The following SOX6 variants were observed in gnomAD, a reference collection of about 807,000 sequenced individuals.
The protein encoded by SOX6 is SRY-box transcription factor 6, also known as transcription factor SOX-6.
Under a neutral mutation model 97.8 loss-of-function variants are expected in SOX6, and 11 were observed. That is an observed-to-expected ratio of 0.11 (90% confidence interval 0.07 to 0.19). The LOEUF (loss-of-function observed/expected upper bound fraction) is 0.19. SOX6 is among the 10% of genes least tolerant of loss of function. SOX6 has a pLI of 1.00. For synonymous variants in SOX6, 360 were observed against 371.4 expected (o/e 0.97, Z 0.35); for missense variants, 810 against 1,039.5 (o/e 0.78, Z 3.04).
chr11:16,152,835 C>T (rs1340542427), intron 6 of SOX6, among the ~76,000 whole-genome samples: 9 of 151,874 alleles, frequency 5.9e-5, no homozygotes, highest in Non-Finnish European at 1.3e-4. Context: ...TCCCGAGTAG[C>T]TGGGATTACA....
rs1022066078 is a variant in SOX6, at chr11:16,347,113, G to A, written c.-4-5861C>T. Among the ~76,000 whole-genome samples, 41 of 152,030 alleles carry A rather than the reference G, an allele frequency of 2.7e-4. 1 individual carries two copies. The highest frequency in any genetic ancestry group is 4.3e-4 in the Non-Finnish European group (29 of 67,982). On this transcript the variant is annotated intron_variant, in intron 1 of 15. Coordinates refer to ENST00000683767, the MANE Select transcript of SOX6 (RefSeq NM_001367873.1). ...GTTTCTCCTGATAATGTTACATCAC[G>A]TAACTACCTCTGTCTAATTGGTTAG...
At chr11:16,498,673 A>G (rs1860651390) in intron 4 of SOX6, among the ~76,000 whole-genome samples, 1 of 152,202 alleles carries the variant, frequency 6.6e-6, no homozygotes, top group South Asian at 2.1e-4. Context: ...TCTCTGATAA[A>G]ACAGACTTTA....
chr11:15,990,866 A>G (rs544068475), intron 13 of SOX6, among the ~76,000 whole-genome samples: 1 of 152,346 alleles, frequency 6.6e-6, no homozygotes, highest in East Asian at 1.9e-4. Context: ...TACAGGACCA[A>G]CATGATTCAA....
intron 1 of SOX6, among the ~76,000 whole-genome samples, chr11:16,442,930 A>G (rs534759213): frequency 1.1e-4 from 16 of 152,338 alleles, no homozygotes; most frequent in African/African-American, 2.9e-4. Flanking sequence ...CATATCAGGA[A>G]ATAATCAAGT....
intron 6 of SOX6, among the ~76,000 whole-genome samples, chr11:16,132,220 C>T (rs1451072646): frequency 7.3e-6 from 1 of 137,356 alleles, no homozygotes; most frequent in Non-Finnish European, 1.5e-5. Flanking sequence ...TTTACAGCTG[C>T]TTCTCAAAAA....
chr11:16,267,166 C>G (rs1360823887), intron 3 of SOX6, among the ~76,000 whole-genome samples: 1 of 149,568 alleles, frequency 6.7e-6, no homozygotes, highest in South Asian at 2.1e-4. Flanking sequence ...AAAATGCAGG[C>G]AGCAAAAGCA....
At chr11:16,117,113 G>C (rs1444979653) in intron 6 of SOX6, among the ~76,000 whole-genome samples, 1 of 152,114 alleles carries the variant, frequency 6.6e-6, no homozygotes, top group South Asian at 2.1e-4. Flanking sequence ...ACTTTGGGAG[G>C]CCAAGCCGGG....
intron 4 of SOX6, among the ~76,000 whole-genome samples, chr11:16,485,944 AGGG>A (rs1860422784): frequency 4.0e-3 from 2 of 496 alleles, no homozygotes; most frequent in Admixed American, 0.02. Flanking sequence ...AGGGGAGAGG[AGGG>A]GAGGGGAGGG....
intron 1 of SOX6, among the ~76,000 whole-genome samples, chr11:16,391,229 C>T (rs955147086): frequency 6.6e-6 from 1 of 152,110 alleles, no homozygotes; most frequent in Admixed American, 6.6e-5. Context: ...ATGAGAAATA[C>T]CTAATGTAGG....
At chr11:16,545,427 T>C (rs1847608781) in intron 4 of SOX6, among the ~76,000 whole-genome samples, 1 of 150,600 alleles carries the variant, frequency 6.6e-6, no homozygotes, top group African/African-American at 2.4e-5. Context: ...TGATAAAAAC[T>C]CTCAACAAAC....
chr11:16,499,138 C>T (rs1435188969), intron 4 of SOX6, among the ~76,000 whole-genome samples: 5 of 152,300 alleles, frequency 3.3e-5, no homozygotes, highest in Non-Finnish European at 5.9e-5. Flanking sequence ...CAAACTAGAA[C>T]TCAGGATTAA....
chr11:16,057,269 T>A (rs549064528), intron 9 of SOX6, among the ~76,000 whole-genome samples: 2 of 152,320 alleles, frequency 1.3e-5, no homozygotes, highest in Admixed American at 6.5e-5. Context: ...TCACAAATTT[T>A]AAAATTAGTG....
chr11:16,520,415 G>A (rs1397526501), intron 4 of SOX6, among the ~76,000 whole-genome samples: 1 of 152,124 alleles, frequency 6.6e-6, no homozygotes, highest in Non-Finnish European at 1.5e-5. Flanking sequence ...TCTGCATATG[G>A]CTAGCCATCA....
intron 9 of SOX6, among the ~76,000 whole-genome samples, chr11:16,093,189 T>C (rs544022725): frequency 1.1e-3 from 163 of 152,070 alleles, no homozygotes; most frequent in African/African-American, 3.6e-3. Context: ...TAATAAATTA[T>C]CAAAATTAAT....
At chr11:16,001,736 G>C (rs1488374967) in intron 13 of SOX6, among the ~76,000 whole-genome samples, 1 of 152,184 alleles carries the variant, frequency 6.6e-6, no homozygotes, top group Non-Finnish European at 1.5e-5. Context: ...AGGGCATGTC[G>C]AGAAAGCACT....
At chr11:16,048,440 A>C (rs754127842) in intron 11 of SOX6, among the ~76,000 whole-genome samples, 3 of 152,184 alleles carry the variant, frequency 2.0e-5, no homozygotes, top group Non-Finnish European at 4.4e-5. Flanking sequence ...AATTTAGCAA[A>C]TATTCTAACT....
intron 3 of SOX6, among the ~76,000 whole-genome samples, chr11:16,244,392 C>T (rs564803334): frequency 1.3e-5 from 2 of 151,750 alleles, no homozygotes; most frequent in East Asian, 3.9e-4. Flanking sequence ...TACAGCATGC[C>T]TTTTTGTTTT....
intron 3 of SOX6, among the ~76,000 whole-genome samples, chr11:16,705,141 C>T (rs1848122153): frequency 6.6e-6 from 1 of 151,946 alleles, no homozygotes; most frequent in East Asian, 1.9e-4. Context: ...ACCTGTAATC[C>T]CAGCTACTCG....
At chr11:16,648,553 C>G (rs1188989597) in intron 3 of SOX6, among the ~76,000 whole-genome samples, 1 of 152,220 alleles carries the variant, frequency 6.6e-6, no homozygotes, top group African/African-American at 2.4e-5. Context: ...CTGCCACCTT[C>G]TGGCTGGAGG....
Sources: gnomAD v4.1 joint callset for allele counts (sites outside exome capture counted in the v4.1 genomes callset) on GRCh38, gnomAD v4.1.1 for gene constraint, MANE v1.5 for transcripts, NCBI Gene and HGNC (gene_info 2026-07-23, HGNC 2026-07-21) for gene names.